Variants in SFRP1 observed in about 807,000 individuals in gnomAD.
SFRP1 encodes the protein secreted frizzled related protein 1.
In SFRP1, 9 loss-of-function variants were observed where a neutral mutation model predicts 25.9. The observed-to-expected ratio is 0.35, with a 90% CI of 0.21 to 0.61. SFRP1 has a LOEUF of 0.61. SFRP1 is among the 20% of genes least tolerant of loss of function. SFRP1 has a pLI of 0.78. For missense variants in SFRP1, 346 were observed against 418.2 expected (o/e 0.83, Z 1.51); for synonymous variants, 178 against 174.0 (o/e 1.02, Z -0.18).
chr8:41,265,120 G>GGGCCCCCCCCCCCCCCCC lies in SFRP1; in HGVS notation c.*46_*47insGGGGGGGGGGGGGGGGCC. The GGGCCCCCCCCCCCCCCCC allele has an allele frequency of 6.2e-6, 1 of 160,642 alleles. No homozygotes were observed. The highest frequency in any genetic ancestry group is 1.2e-5 in the Non-Finnish European group (1 of 84,338). The allele number at this position is 160,642 out of a possible 1,614,324, so 10.0% of individuals were successfully genotyped here. A position where few individuals can be genotyped will look rare whatever the true frequency, so the allele number is the denominator to read the frequency against. The stretch of plus-strand genomic sequence containing the variant: ...GGGTTCCCGGGGCACTGTCCCCCCC[G>GGGCCCCCCCCCCCCCCCC]CTCCCACCCCACCCGAGGCTCCCTC... On this transcript the variant is annotated 3_prime_UTR_variant, in exon 3 of 3. Transcript: ENST00000220772.
chr8:41,277,118 C>T (rs1301175905), intron 2 of SFRP1: 1 of 440,046 alleles, frequency 2.3e-6, no homozygotes, highest in Non-Finnish European at 4.6e-6. Context: ...GGAAGCCACG[C>T]ATCTTGGGGA....
intron 2 of SFRP1, among the ~76,000 whole-genome samples, chr8:41,293,926 C>T (rs1215487211): frequency 1.4e-5 from 2 of 139,284 alleles, no homozygotes; most frequent in Non-Finnish European, 3.1e-5. Flanking sequence ...TATCTGGCTA[C>T]TTTTTTTTTT....
At chr8:41,277,937 C>T (rs1430817034) in intron 2 of SFRP1, among the ~76,000 whole-genome samples, 1 of 152,296 alleles carries the variant, frequency 6.6e-6, no homozygotes, top group East Asian at 1.9e-4. Context: ...AACAAGTCCC[C>T]AAGTGATGTT....
At chr8:41,290,448 G>A (rs1417372502) in intron 2 of SFRP1, among the ~76,000 whole-genome samples, 1 of 152,218 alleles carries the variant, frequency 6.6e-6, no homozygotes, top group African/African-American at 2.4e-5. Flanking sequence ...CAATAACAAA[G>A]TCTGGAGAGA....
chr8:41,273,440 C>G (rs924317571), intron 2 of SFRP1, among the ~76,000 whole-genome samples: 3 of 151,392 alleles, frequency 2.0e-5, no homozygotes, highest in Non-Finnish European at 4.4e-5. Context: ...TGCAGTGAGC[C>G]GAGATCATGC....
rs2117474657 is a variant in SFRP1 at position 41,264,919 on chromosome 8, A to T, written c.*248T>A. ...CCTCCTGTGCAGTGGCTGCTGCTCC[A>T]CATTGCGGATCTTAAAAACCTTCCT... On this transcript the variant is annotated 3_prime_UTR_variant, in exon 3 of 3. Transcript: ENST00000220772. The T allele has an allele frequency of 2.1e-6, 1 of 467,330 alleles. No individual in the cohort carries two copies. The highest frequency in any genetic ancestry group is 2.0e-5 in the African/African-American group (1 of 51,180). The allele number at this position is 467,330 out of a possible 1,614,324, so 28.9% of individuals were successfully genotyped here. A position where few individuals can be genotyped will look rare whatever the true frequency, so the allele number is the denominator to read the frequency against.
At chr8:41,286,332 CAGGGGCGGTTCCCGCTCA>C (rs1252260632) in intron 2 of SFRP1, among the ~76,000 whole-genome samples, 1 of 152,242 alleles carries the variant, frequency 6.6e-6, no homozygotes, top group Non-Finnish European at 1.5e-5. Context: ...TGTTCCGAGG[CAGGGGCGGTTCCCGCTCA>C]ACCTTCCCAC....
At chr8:41,301,178 C>G (rs1426018661) in intron 2 of SFRP1, among the ~76,000 whole-genome samples, 1 of 152,210 alleles carries the variant, frequency 6.6e-6, no homozygotes, top group Admixed American at 6.5e-5. Flanking sequence ...GAGAGCCTTC[C>G]AGCAACCTGA....
chr8:41,280,044 G>A lies in SFRP1; in HGVS notation c.623-14555C>T, dbSNP rs760904244. ...GGCCCTGGTGGCCTGCTCTGACTCC[G>A]GCCCTTGGCGGGCACGAGGTCCAGT... On this transcript the variant is annotated intron_variant, in intron 2 of 2. Coordinates refer to ENST00000220772, the MANE Select transcript of SFRP1 (RefSeq NM_003012.5). Among the ~76,000 whole-genome samples, 17 of 152,282 alleles carry A rather than the reference G, an allele frequency of 1.1e-4. No individual in the cohort carries two copies. The South Asian group carries it at 1.7e-3, about 15-fold the overall frequency.
Position 41,290,886 on chromosome 8 carries a change from CTTTTTTTTTTTTTTTTTTTT to C in SFRP1, c.622+12555_622+12574del, listed in dbSNP as rs561965318. Among the ~76,000 whole-genome samples the C allele has an allele frequency of 9.1e-3, 492 of 53,876 alleles. 4 individuals are homozygous for C. The highest frequency in any genetic ancestry group is 0.029 in the Middle Eastern group (2 of 70). 35.3% of individuals were successfully genotyped at this position (53,876 alleles called of 152,430 possible). A position where few individuals can be genotyped will look rare whatever the true frequency, so the allele number is the denominator to read the frequency against. On this transcript the variant is annotated intron_variant, in intron 2 of 2. Transcript: ENST00000220772. ...GTCTTCTTCTCCTCCTCTTCCTCGT[CTTTTTTTTTTTTTTTTTTTT>C]TTTTTTTTTTTTTTTTTTGAGATGG...
At chr8:41,266,081 G>A (rs1585502324) in intron 2 of SFRP1, among the ~76,000 whole-genome samples, 2 of 152,012 alleles carry the variant, frequency 1.3e-5, no homozygotes, top group East Asian at 3.9e-4. Context: ...CAGGAGAATT[G>A]CTTGAACCTG....
intron 2 of SFRP1, among the ~76,000 whole-genome samples, chr8:41,268,581 T>G (rs1803463964): frequency 6.6e-6 from 1 of 152,246 alleles, no homozygotes; most frequent in Non-Finnish European, 1.5e-5. Flanking sequence ...GTCTTGCCAC[T>G]TGGCCCCTTT....
At chr8:41,298,814 T>G (rs181259928) in intron 2 of SFRP1, among the ~76,000 whole-genome samples, 2 of 152,282 alleles carry the variant, frequency 1.3e-5, no homozygotes, top group Admixed American at 6.5e-5. Flanking sequence ...TTAAAAAAAT[T>G]TTAAGTGGTA....
intron 2 of SFRP1, among the ~76,000 whole-genome samples, chr8:41,274,248 C>G (rs1803545738): frequency 1.3e-5 from 2 of 152,284 alleles, no homozygotes; most frequent in South Asian, 2.1e-4. Flanking sequence ...AACAAAAAAG[C>G]CTAAAGCTCC....
chr8:41,279,204 G>C (rs939818152), intron 2 of SFRP1, among the ~76,000 whole-genome samples: 1 of 152,180 alleles, frequency 6.6e-6, no homozygotes, highest in African/African-American at 2.4e-5. Flanking sequence ...AAACACACGT[G>C]GGGCACACAA....
rs1803409662 is a variant in SFRP1 at position 41,264,440 on chromosome 8, C to T, written c.*727G>A. The T allele has an allele frequency of 6.6e-6, 1 of 152,222 alleles. No individual in the cohort carries two copies. Among genetic ancestry groups the T allele is most frequent in the African/African-American group, 2.4e-5 (1 of 41,460 alleles). The allele number at this position is 152,222 out of a possible 1,614,324, so 9.4% of individuals were successfully genotyped here. On this transcript the variant is annotated 3_prime_UTR_variant, in exon 3 of 3. Transcript: ENST00000220772. ...ACACAAAGGCAGGCACAGGCTGCCC[C>T]TCCACATGTCTTGGGGATCAGATCA...
intron 2 of SFRP1, among the ~76,000 whole-genome samples, chr8:41,278,233 C>T (rs1353955840): frequency 6.6e-6 from 1 of 152,268 alleles, no homozygotes; most frequent in African/African-American, 2.4e-5. Context: ...TCTTCCAGAG[C>T]TGTGGGTGCT....
chr8:41,273,365 C>G (rs1047753054), intron 2 of SFRP1, among the ~76,000 whole-genome samples: 1 of 142,106 alleles, frequency 7.0e-6, no homozygotes, highest in East Asian at 1.9e-4. Context: ...GTGATGCGCA[C>G]CTGTGGGCCG....
chr8:41,296,709 C>G (rs1399973951), intron 2 of SFRP1, among the ~76,000 whole-genome samples: 1 of 152,058 alleles, frequency 6.6e-6, no homozygotes, highest in Non-Finnish European at 1.5e-5. Flanking sequence ...AAATGGAGAA[C>G]AAAGTGAAGT....
Sources: gnomAD v4.1 joint callset for allele counts (sites outside exome capture counted in the v4.1 genomes callset) on GRCh38, gnomAD v4.1.1 for gene constraint, MANE v1.5 for transcripts, NCBI Gene and HGNC (gene_info 2026-07-23, HGNC 2026-07-21) for gene names.